Variants in PLEC observed in about 807,000 individuals in gnomAD.
PLEC encodes the protein plectin.
In PLEC, 216 loss-of-function variants were observed where a neutral mutation model predicts 392.8. That is an observed-to-expected ratio of 0.55 (90% CI 0.49 to 0.62). The LOEUF (loss-of-function observed/expected upper bound fraction) is 0.62. PLEC is among the 20% of genes least tolerant of loss of function. The pLI is 0.00. For synonymous variants in PLEC, 3,621 were observed against 2,980.6 expected (o/e 1.21, Z -7.00); for missense variants, 6,863 against 6,563.4 (o/e 1.05, Z -1.58).
chr8:143,969,461 G>A lies in PLEC; in HGVS notation c.70+3942C>T, dbSNP rs1554743473. Among the ~76,000 whole-genome samples the A allele has an allele frequency of 6.6e-6, 1 of 152,222 alleles. No individual in the cohort carries two copies. The highest frequency in any genetic ancestry group is 6.5e-5 in the Admixed American group (1 of 15,286). Reference sequence around the variant, plus strand: ...TAGACAGTCGGCCCAGCTGCCAAGAGGTGTCCAGTCGCCCAGCCCCCCAAG... The same window carrying A: ...TAGACAGTCGGCCCAGCTGCCAAGAAGTGTCCAGTCGCCCAGCCCCCCAAG... On this transcript the variant is annotated intron_variant, in intron 1 of 31. Coordinates refer to the PLEC transcript ENST00000356346. The surrounding 1 kb of genome is among the most constrained non-coding windows in gnomAD (Gnocchi z 5.1).
Position 143,932,886 on chromosome 8 carries a change from C to T in PLEC, c.1644G>A (p.Leu548=). 1 of 1,612,534 alleles carries T rather than the reference C, an allele frequency of 6.2e-7. No homozygotes were observed. Among genetic ancestry groups the T allele is most frequent in the Non-Finnish European group, 8.5e-7 (1 of 1,179,890 alleles). Reference sequence around the variant, plus strand: ...TGCCCAGCTGCGCCTCCACGCTGGGCAGGTCCACACCCCACTCAGCGCCAT... The same window carrying T: ...TGCCCAGCTGCGCCTCCACGCTGGGTAGGTCCACACCCCACTCAGCGCCAT... ...RVDGAEWGVD[L]PSVEAQLGSH... Residue 548 remains leucine, a synonymous_variant, in exon 14 of 32, where the codon CTG becomes CTA. Transcript: ENST00000345136.
chr8:143,935,150 G>A, intron 7 of PLEC, 33 bp from the exon 8 acceptor site: 4 of 1,611,980 alleles, frequency 2.5e-6, no homozygotes, highest in African/African-American at 1.3e-5. Flanking sequence ...GGTGGCTCTG[G>A]GGCAGGCAGC....
chr8:143,957,736 T>C (rs1410757320), upstream of PLEC, among the ~76,000 whole-genome samples: 2 of 152,064 alleles, frequency 1.3e-5, no homozygotes, highest in African/African-American at 2.4e-5. Context: ...GGATGGGCCC[T>C]CCCCTGAGGC....
chr8:143,935,878 C>T lies in PLEC; in HGVS notation c.572G>A (p.Arg191His), dbSNP rs1332680362. ...CCGGTGGATGATGGCATTGAAGAGG[C>T]GGCCGTCTCTCCAGCTGGAGGTGAA... ...DNFTSSWRDGRLFNAIIHRHK... is the reference protein window; with the variant it reads ...DNFTSSWRDGHLFNAIIHRHK... Residue 191 changes from arginine to histidine, a missense_variant, in exon 6 of 32, where the codon CGC (arginine) becomes CAC (histidine). Arg to His is a conservative substitution (Grantham distance 29). Coordinates refer to ENST00000345136, the MANE Select transcript of PLEC (RefSeq NM_201384.3). The T allele has an allele frequency of 1.2e-5, 20 of 1,612,802 alleles. No homozygotes were observed. The highest frequency in any genetic ancestry group is 1.7e-5 in the Admixed American group (1 of 60,002).
At chr8:143,970,448 C>T (rs1180975682) in intron 1 of PLEC, among the ~76,000 whole-genome samples, 1 of 152,140 alleles carries the variant, frequency 6.6e-6, no homozygotes, top group Admixed American at 6.5e-5. Flanking sequence ...TTACAGGGAG[C>T]TCAGACTGAG....
rs1392339194 is a variant in PLEC at position 143,930,292 on chromosome 8, C to T, written c.2464G>A (p.Val822Met). ...AGCTGGCACTCGTCACCCTTGTGCA[C>T]AGTCACCTGGGACGGGCAGAGTCGG... ...VCDYKQVEVT[V>M]HKGDECQLVG... Residue 822 changes from valine (V) to methionine (M), a missense_variant, in exon 21 of 32, where the codon GTG becomes ATG. Transcript: ENST00000345136. 2 of 1,602,626 alleles carry T rather than the reference C, an allele frequency of 1.2e-6. No homozygotes were observed. The highest frequency in any genetic ancestry group is 1.7e-5 in the Admixed American group (1 of 59,504).
intron 1 of PLEC, among the ~76,000 whole-genome samples, chr8:143,949,502 C>T (rs936812559): frequency 1.3e-5 from 2 of 152,154 alleles, no homozygotes; most frequent in South Asian, 2.1e-4. Flanking sequence ...TGACAGGACC[C>T]GTCCTGTCCT....
intron 1 of PLEC, among the ~76,000 whole-genome samples, chr8:143,964,685 C>A (rs1029668385): frequency 6.6e-6 from 1 of 152,284 alleles, no homozygotes; most frequent in Admixed American, 6.5e-5. Context: ...AAACAGGGCA[C>A]ATTCTCTGGG....
In PLEC at chr8:143,933,038, C is replaced by A; in HGVS notation, c.1492G>T (p.Ala498Ser). The change falls in exon 14 of 32, where the codon GCC (alanine) becomes TCC (serine). Residue 498 changes from alanine (A) to serine (S), a missense_variant. Transcript: ENST00000345136. ...YNLRLKAGVA[A>S]PATQVAQVTL... is the part of the protein sequence containing the mutation. The stretch of plus-strand genomic sequence containing the variant: ...ACCTGGGCCACCTGGGTTGCAGGGG[C>A]CGCCACGCCTGCCTTCAGCCGTAGG... 1.3e-6 allele frequency: 2 copies of A among 1,596,360 alleles called. No individual in the cohort carries two copies. The highest frequency in any genetic ancestry group is 1.7e-6 in the Non-Finnish European group (2 of 1,173,000).
chr8:143,967,921 AG>A (rs782379912), intron 1 of PLEC, among the ~76,000 whole-genome samples: 67 of 152,302 alleles, frequency 4.4e-4, no homozygotes, highest in Middle Eastern at 3.4e-3. Flanking sequence ...TGAGGTCAGG[AG>A]TTCAAGACCA....
Position 143,931,572 on chromosome 8 carries a change from T to C in PLEC, c.2266A>G (p.Thr756Ala), listed in dbSNP as rs782436316. 6 of 1,597,202 alleles carry C rather than the reference T, an allele frequency of 3.8e-6. No homozygotes were observed. The highest frequency in any genetic ancestry group is 5.1e-6 in the Non-Finnish European group (6 of 1,172,240). Reference protein sequence around the residue: ...RRKYSCDRSATVTRLEDLLQD... With the variant: ...RRKYSCDRSAAVTRLEDLLQD... ...AGCAGGTCCTCCAGCCGGGTGACGG[T>C]GGCGGAGCGATCACAACTGTATTTC... Residue 756 changes from threonine (T) to alanine (A), a missense_variant, in exon 19 of 32, where the codon ACC (threonine) becomes GCC (alanine). Coordinates refer to ENST00000345136, the MANE Select transcript of PLEC (RefSeq NM_201384.3).
rs782743395 is a variant in PLEC, at chr8:143,922,125, C to T, written c.7696G>A (p.Val2566Met). The part of the protein sequence containing the change: ...RRRQHEAEEG[V>M]RRKQEELQQL... ...TGCAGCTCCTCCTGCTTGCGCCGCA[C>T]GCCCTCCTCGGCCTCATGCTGCCGC... Residue 2566 changes from valine (V) to methionine (M), a missense_variant, in exon 32 of 32, where the codon GTG (valine) becomes ATG (methionine). Coordinates refer to ENST00000345136, the MANE Select transcript of PLEC (RefSeq NM_201384.3). 59 of 1,542,322 alleles carry T rather than the reference C, an allele frequency of 3.8e-5. No individual in the cohort carries two copies. Among genetic ancestry groups the T allele is most frequent in the Admixed American group, 7.8e-5 (4 of 51,496 alleles).
intron 1 of PLEC, 103 bp from the exon 2 acceptor site, chr8:143,938,795 TG>T: frequency 9.9e-7 from 1 of 1,005,132 alleles, no homozygotes. Context: ...AGGTCCTGCC[TG>T]GGGAGCCCCA....
rs1413305409 is a variant in PLEC, at chr8:143,925,102, C to A, written c.4827G>T (p.Glu1609Asp). ...CCTGCTGCTGTGCCCGCCGCTCAGC[C>A]TCCTCCCGCAGCTGTGCCACAGCCA... ...EHVAVAQLRE[E>D]AERRAQQQAE... Residue 1609 changes from glutamate (E) to aspartate (D), a missense_variant, in exon 31 of 32, where the codon GAG becomes GAT. Transcript: ENST00000345136. The A allele has an allele frequency of 2.6e-6, 4 of 1,552,514 alleles. No individual in the cohort carries two copies. Among genetic ancestry groups the A allele is most frequent in the Non-Finnish European group, 2.6e-6 (3 of 1,156,904 alleles).
At position 143,927,055 on chromosome 8, in the gene PLEC, G is replaced by A; in HGVS notation, c.3867C>T (p.Tyr1289=). 3.1e-6 allele frequency: 5 copies of A among 1,611,846 alleles called. No homozygotes were observed. Among genetic ancestry groups the A allele is most frequent in the African/African-American group, 1.3e-5 (1 of 75,050 alleles). ...AGGCCACCGGCTCAAGCTGCGCCTTGTACGTCACCAGCTGGAGTTCATAGT... is the reference window on the plus strand; with the variant it reads ...AGGCCACCGGCTCAAGCTGCGCCTTATACGTCACCAGCTGGAGTTCATAGT... ...IKDYELQLVT[Y]KAQLEPVASP... is the part of the protein sequence containing the mutation. Residue 1289 remains tyrosine (Y), a synonymous_variant, in exon 29 of 32, where the codon TAC becomes TAT. Coordinates refer to ENST00000345136, the MANE Select transcript of PLEC (RefSeq NM_201384.3).
rs782323922 is a variant in PLEC, at chr8:143,929,291, CAG to C, written c.3082-12_3082-11del. 3.6e-4 allele frequency: 575 copies of C among 1,599,602 alleles called. No individual in the cohort carries two copies. Among genetic ancestry groups the C allele is most frequent in the Non-Finnish European group, 4.6e-4 (541 of 1,179,524 alleles). ...CCTCTGCCTGTGCCTTCTGCAAAGA[CAG>C]GGAGTGGGAACGCACTCATCACCGA... On this transcript the variant is annotated splice_polypyrimidine_tract_variant and intron_variant, in intron 24 of 31. Coordinates refer to ENST00000345136, the MANE Select transcript of PLEC (RefSeq NM_201384.3).
intron 30 of PLEC, among the ~76,000 whole-genome samples, chr8:143,926,579 T>C (rs1025573688): frequency 6.6e-6 from 1 of 151,916 alleles, no homozygotes; most frequent in Non-Finnish European, 1.5e-5. Context: ...GGGGGAGCAG[T>C]GTAGCCACAC....
Position 143,925,339 on chromosome 8 carries a change from C to G in PLEC, c.4590G>C (p.Glu1530Asp), listed in dbSNP as rs1353557760. ...CCAGGGCCTGCAGGGCCCGCTGCTTCTCGCGCGCCGCCTCGGCCTCGGCCT... is the reference window on the plus strand; with the variant it reads ...CCAGGGCCTGCAGGGCCCGCTGCTTGTCGCGCGCCGCCTCGGCCTCGGCCT... ...RVKAEAEAAR[E>D]KQRALQALEE... The change falls in exon 31 of 32, where the codon GAG (glutamate) becomes GAC (aspartate). Residue 1530 changes from glutamate (E) to aspartate (D), a missense_variant. Transcript: ENST00000345136. 1.9e-6 allele frequency: 3 copies of G among 1,554,434 alleles called. No homozygotes were observed. The highest frequency in any genetic ancestry group is 2.0e-4 in the Middle Eastern group (1 of 5,000).
At chr8:143,945,396 G>C (rs1486507808) in intron 1 of PLEC, 1 of 322,016 alleles carries the variant, frequency 3.1e-6, no homozygotes, top group East Asian at 1.1e-4. Context: ...TCAGAGAGCC[G>C]GGCCACAGGC....
Sources: gnomAD v4.1 joint callset for allele counts (sites outside exome capture counted in the v4.1 genomes callset) on GRCh38, gnomAD v4.1.1 for gene constraint, Gnocchi (gnomAD v3.1) non-coding constraint, MANE v1.5 for transcripts, NCBI Gene and HGNC (gene_info 2026-07-23, HGNC 2026-07-21) for gene names.